NAT1: variants seen among roughly 807,000 people sequenced by gnomAD.
NAT1 encodes N-acetyltransferase 1, also known as arylamine N-acetyltransferase 1.
For missense variants in NAT1, 400 were observed against 339.2 expected, an observed-to-expected ratio of 1.18 and a Z score of -1.41; for synonymous variants, 144 against 122.6, an observed-to-expected ratio of 1.17 and a Z score of -1.16.
chr8:18,192,453 C>G (rs544817156), intron 2 of NAT1, among the ~76,000 whole-genome samples: 1 of 152,310 alleles, frequency 6.6e-6, no homozygotes, highest in Non-Finnish European at 1.5e-5. Flanking sequence ...GGATCTAGAA[C>G]TACAAATACC....
chr8:18,187,549 T>C (rs1295374621), intron 2 of NAT1, among the ~76,000 whole-genome samples: 1 of 152,148 alleles, frequency 6.6e-6, no homozygotes, highest in African/African-American at 2.4e-5. Flanking sequence ...TCATGTCCTC[T>C]GCAGCAACGT....
chr8:18,211,854 A>G (rs1010590222), intron 1 of NAT1, among the ~76,000 whole-genome samples: 20 of 152,188 alleles, frequency 1.3e-4, no homozygotes, highest in African/African-American at 4.3e-4. Flanking sequence ...ACACAGAAAG[A>G]AAAGCCACTC....
rs1804734452 is a variant in NAT1, at chr8:18,216,939, G to C, written c.-85-2472G>C. 3.2e-6 allele frequency: 5 copies of C among 1,551,170 alleles called. No homozygotes were observed. In the East Asian group the frequency reaches 1.2e-4, roughly 38 times the overall value. On this transcript the variant is annotated intron_variant, in intron 1 of 2. Coordinates refer to ENST00000307719, the MANE Select transcript of NAT1 (RefSeq NM_000662.8). Reference sequence around the variant, plus strand: ...CAAGGAGGCAGCCCTCGAGCCACAGGGTCCAGCTGTTGGCTATAATAGCCT... The same window carrying C: ...CAAGGAGGCAGCCCTCGAGCCACAGCGTCCAGCTGTTGGCTATAATAGCCT...
intron 1 of NAT1, among the ~76,000 whole-genome samples, chr8:18,216,273 C>T (rs778158372): frequency 1.5e-4 from 23 of 152,120 alleles, no homozygotes; most frequent in East Asian, 7.7e-4. Flanking sequence ...CTTCTAACAG[C>T]GCTGATACTT....
At chr8:18,192,358 G>T (rs1369498569) in intron 2 of NAT1, among the ~76,000 whole-genome samples, 2 of 152,172 alleles carry the variant, frequency 1.3e-5, no homozygotes, top group African/African-American at 4.8e-5. Flanking sequence ...TGGAGCGGAT[G>T]GGGAGAAATA....
chr8:18,195,684 A>G (rs561916461), intron 2 of NAT1, among the ~76,000 whole-genome samples: 10 of 152,272 alleles, frequency 6.6e-5, no homozygotes, highest in African/African-American at 2.2e-4. Context: ...GCACCACACG[A>G]TCCCACTACT....
intron 2 of NAT1, among the ~76,000 whole-genome samples, chr8:18,197,163 C>G (rs1004388947): frequency 6.6e-6 from 1 of 152,168 alleles, no homozygotes; most frequent in Non-Finnish European, 1.5e-5. Flanking sequence ...CATGAACCAC[C>G]CCCAGGATCC....
intron 2 of NAT1, among the ~76,000 whole-genome samples, chr8:18,184,403 G>T (rs1802649124): frequency 6.6e-6 from 1 of 152,126 alleles, no homozygotes. Context: ...AAGCCCTAAA[G>T]CTCTGGGCCT....
At chr8:18,204,243 T>C (rs1803610498) in intron 2 of NAT1, among the ~76,000 whole-genome samples, 4 of 152,024 alleles carry the variant, frequency 2.6e-5, no homozygotes, top group South Asian at 4.1e-4. Context: ...ACTCCTTAAC[T>C]CACCCACATG....
chr8:18,219,227 C>A (rs1805025150), intron 1 of NAT1, among the ~76,000 whole-genome samples, 184 bp from the exon 2 acceptor site: 1 of 152,144 alleles, frequency 6.6e-6, no homozygotes, highest in African/African-American at 2.4e-5. Flanking sequence ...CAGCGTTGCA[C>A]CCATCTCCAT....
At chr8:18,216,843 A>C in intron 1 of NAT1, 1 of 1,302,990 alleles carries the variant, frequency 7.7e-7, no homozygotes, top group Non-Finnish European at 1.1e-6. Flanking sequence ...GGTAAGGGGG[A>C]ACTCATAAGA....
upstream of NAT1, among the ~76,000 whole-genome samples, chr8:18,206,496 G>T (rs143215620): frequency 1.4e-4 from 21 of 152,264 alleles, no homozygotes; most frequent in African/African-American, 5.1e-4. Context: ...GCAAAGATGC[G>T]CACTCTTGCC....
intron 2 of NAT1, among the ~76,000 whole-genome samples, chr8:18,183,515 G>C (rs1010599315): frequency 8.5e-5 from 13 of 152,182 alleles, no homozygotes; most frequent in Admixed American, 3.9e-4. Context: ...GGCAGAAGAA[G>C]TTCCTTACCC....
chr8:18,200,576 T>C (rs893091251), intron 2 of NAT1, among the ~76,000 whole-genome samples: 2 of 152,082 alleles, frequency 1.3e-5, no homozygotes, highest in African/African-American at 4.8e-5. Flanking sequence ...AAAAACTACC[T>C]CTCAAGTACT....
intron 2 of NAT1, among the ~76,000 whole-genome samples, chr8:18,220,868 C>T (rs1210748046): frequency 6.6e-6 from 1 of 152,142 alleles, no homozygotes; most frequent in African/African-American, 2.4e-5. Flanking sequence ...ATCCATGAGC[C>T]AAGCACTGGT....
chr8:18,214,285 C>T (rs891967610), intron 1 of NAT1, among the ~76,000 whole-genome samples: 2 of 152,162 alleles, frequency 1.3e-5, no homozygotes, highest in African/African-American at 4.8e-5. Flanking sequence ...GTTCACTGGC[C>T]ATGAAACCGA....
chr8:18,191,913 T>C (rs1031052515), intron 2 of NAT1, among the ~76,000 whole-genome samples: 11 of 152,248 alleles, frequency 7.2e-5, no homozygotes, highest in South Asian at 4.1e-4. Context: ...CATTACCATT[T>C]AGGACATAGG....
At chr8:18,171,747 T>G (rs1339416002) in intron 2 of NAT1, among the ~76,000 whole-genome samples, 1 of 152,184 alleles carries the variant, frequency 6.6e-6, no homozygotes, top group African/African-American at 2.4e-5. Context: ...AGAAACATTG[T>G]GGAACATTCT....
upstream of NAT1, among the ~76,000 whole-genome samples, chr8:18,206,163 C>T (rs1035112260): frequency 4.6e-5 from 7 of 152,180 alleles, no homozygotes; most frequent in African/African-American, 9.7e-5. Flanking sequence ...TCCAGAGACT[C>T]GTGGTGAAAG....
Sources: gnomAD v4.1 joint callset for allele counts (sites outside exome capture counted in the v4.1 genomes callset) on GRCh38, gnomAD v4.1.1 for gene constraint, MANE v1.5 for transcripts, NCBI Gene and HGNC (gene_info 2026-07-23, HGNC 2026-07-21) for gene names.